The following GAK variants were observed in gnomAD, a reference collection of about 807,000 sequenced individuals.
GAK encodes the protein cyclin G associated kinase.
In GAK, 79 loss-of-function variants were observed where a neutral mutation model predicts 143.9. The observed-to-expected ratio is 0.55, with a 90% CI of 0.46 to 0.66. The LOEUF (loss-of-function observed/expected upper bound fraction) is 0.66. Ranked by LOEUF, GAK falls within the 30% of genes least tolerant of loss-of-function variation. GAK has a pLI of 0.00. For missense variants in GAK, 1,693 were observed against 1,779.7 expected (o/e 0.95, Z 0.88); for synonymous variants, 881 against 765.5 (o/e 1.15, Z -2.49).
At chr4:856,702 A>ACC (rs1560282156) in intron 24 of GAK, among the ~76,000 whole-genome samples, 1 of 140,226 alleles carries the variant, frequency 7.1e-6, no homozygotes, top group African/African-American at 2.7e-5. Flanking sequence ...AGCTGCCCAC[A>ACC]TTTGCTCACC....
intron 11 of GAK, chr4:887,654 AC>A (rs1430203249): frequency 6.6e-6 from 1 of 150,488 alleles, no homozygotes; most frequent in Non-Finnish European, 1.5e-5. Context: ...ACGTGCACTC[AC>A]AGGCACTCGC....
At chr4:911,279 G>C (rs897567602) in intron 4 of GAK, among the ~76,000 whole-genome samples, 26 of 152,126 alleles carry the variant, frequency 1.7e-4, no homozygotes, top group Admixed American at 4.6e-4. Context: ...ACCGCTCATG[G>C]AAGGCCACCA....
intron 24 of GAK, among the ~76,000 whole-genome samples, chr4:857,463 T>A (rs1019401840): frequency 3.3e-5 from 5 of 152,234 alleles, no homozygotes; most frequent in Non-Finnish European, 5.9e-5. Flanking sequence ...GGGAAGTTTT[T>A]AATTATGAAT....
At chr4:866,571 G>A (rs769606160) in intron 21 of GAK, 37 bp from the exon 22 acceptor site, 41 of 1,599,846 alleles carry the variant, frequency 2.6e-5, no homozygotes, top group Middle Eastern at 3.7e-4. Flanking sequence ...GACTCAGCCC[G>A]GCTGCCTGAA....
chr4:853,634 C>G (rs1748593466), intron 24 of GAK: 1 of 152,460 alleles, frequency 6.6e-6, no homozygotes, highest in South Asian at 2.1e-4. Context: ...GCGGCTCGCC[C>G]CCCGGGCAAT....
At chr4:894,657 T>A (rs914214153) in intron 7 of GAK, 1 of 152,226 alleles carries the variant, frequency 6.6e-6, no homozygotes, top group African/African-American at 2.4e-5. Context: ...CAGGTGACAG[T>A]GTTAAACGGA....
intron 21 of GAK, 109 bp from the exon 22 acceptor site, chr4:866,643 A>G: frequency 1.6e-6 from 2 of 1,229,384 alleles, no homozygotes; most frequent in Non-Finnish European, 2.3e-6. Context: ...TGGGCAGCCC[A>G]GACCCCACGG....
chr4:925,158 C>T (rs1724514199), intron 1 of GAK, among the ~76,000 whole-genome samples: 1 of 152,240 alleles, frequency 6.6e-6, no homozygotes, highest in Non-Finnish European at 1.5e-5. Flanking sequence ...AAACTCGCTA[C>T]TCAGAAAGGC....
chr4:887,243 T>C lies in GAK; in HGVS notation c.1205+1604A>G, dbSNP rs62297080. On this transcript the variant is annotated intron_variant, in intron 11 of 27. Coordinates refer to ENST00000314167, the MANE Select transcript of GAK (RefSeq NM_005255.4). Reference sequence around the variant, plus strand: ...CACGCGGCTCACGCGCACTCACGTGTACACATGCACGCGGCTCACGCGCAC... The same window carrying C: ...CACGCGGCTCACGCGCACTCACGTGCACACATGCACGCGGCTCACGCGCAC... The C allele has an allele frequency of 1.4e-3, 123 of 86,082 alleles. 3 individuals are homozygous for C. Among genetic ancestry groups the C allele is most frequent in the African/African-American group, 5.2e-3 (102 of 19,760 alleles). 5.3% of individuals were successfully genotyped at this position (86,082 alleles called of 1,614,324 possible).
In GAK at chr4:866,541, G is replaced by A. The variant is rs1361394239; in HGVS notation, c.2873-7C>T. On this transcript the variant is annotated splice_polypyrimidine_tract_variant and splice_region_variant and intron_variant, in intron 21 of 27. Transcript: ENST00000314167. Reference sequence around the variant, plus strand: ...AGCGGGCCAAAGGGGTCAGCTGTGGGGACAGGCGGGCATGGGGAGGACTCA... The same window carrying A: ...AGCGGGCCAAAGGGGTCAGCTGTGGAGACAGGCGGGCATGGGGAGGACTCA... The A allele has an allele frequency of 1.2e-6, 2 of 1,612,364 alleles. No homozygotes were observed. Among genetic ancestry groups the A allele is most frequent in the African/African-American group, 2.7e-5 (2 of 74,918 alleles).
chr4:882,727 G>T lies in GAK; in HGVS notation c.1497C>A (p.Asp499Glu). The T allele has an allele frequency of 6.2e-7, 1 of 1,612,692 alleles. No individual in the cohort carries two copies. ...CRNMHAWLRQ[D>E]HKNVCVVHCM... ...AGTGCACGACGCAGACGTTCTTGTG[G>T]TCCTGCCGCAGCCAGGCGTGCATGT... The change falls in exon 14 of 28, where the codon GAC becomes GAA. Residue 499 changes from aspartate to glutamate, a missense_variant. Asp to Glu is a conservative substitution (Grantham distance 45). This residue lies in a region of GAK where 871 missense variants were observed against 991.0 expected (regional missense o/e 0.88). Transcript: ENST00000314167.
Position 893,733 on chromosome 4 carries a change from C to G in GAK, c.877+141G>C, listed in dbSNP as rs547163840. On this transcript the variant is annotated intron_variant, in intron 8 of 27. Coordinates refer to ENST00000314167, the MANE Select transcript of GAK (RefSeq NM_005255.4). Reference sequence around the variant, plus strand: ...AGGGGAGCTCTCTGGAAACCCCCCCCCCAGGGATGTTGTCAAAACTATGGT... The same window carrying G: ...AGGGGAGCTCTCTGGAAACCCCCCCGCCAGGGATGTTGTCAAAACTATGGT... 1.0e-3 allele frequency: 1,132 copies of G among 1,083,094 alleles called. 6 individuals are homozygous for G. The highest frequency in any genetic ancestry group is 8.6e-3 in the East Asian group (299 of 34,914). The allele number at this position is 1,083,094 out of a possible 1,614,324, so 67.1% of individuals were successfully genotyped here.
At chr4:876,935 G>A (rs1215252223) in intron 17 of GAK, among the ~76,000 whole-genome samples, 155 bp downstream of exon 17, 1 of 152,184 alleles carries the variant, frequency 6.6e-6, no homozygotes, top group African/African-American at 2.4e-5. Context: ...GCAAGCAGGG[G>A]GCGCTGTGGG....
chr4:896,825 G>T (rs1227634878), intron 6 of GAK, among the ~76,000 whole-genome samples: 6 of 152,256 alleles, frequency 3.9e-5, no homozygotes, highest in Non-Finnish European at 5.9e-5. Flanking sequence ...CGGCACCGAC[G>T]TATTGGCCTG....
intron 11 of GAK, chr4:887,373 AG>A (rs1716645925): frequency 6.7e-6 from 1 of 149,834 alleles, no homozygotes; most frequent in Admixed American, 6.6e-5. Flanking sequence ...ATGTGCACAC[AG>A]CTCAGGCACA....
chr4:901,406 C>T (rs1158567704), intron 5 of GAK, among the ~76,000 whole-genome samples: 1 of 152,132 alleles, frequency 6.6e-6, no homozygotes, highest in African/African-American at 2.4e-5. Flanking sequence ...GAGCCACGGC[C>T]TTGGATCCCC....
chr4:888,599 A>C (rs2152839508), intron 11 of GAK: 1 of 497,704 alleles, frequency 2.0e-6, no homozygotes, highest in Non-Finnish European at 3.6e-6. Context: ...AAGGGAGGGG[A>C]GGGCCCAGGC....
At chr4:882,411 T>C (rs908327523) in intron 14 of GAK, among the ~76,000 whole-genome samples, 6 of 152,040 alleles carry the variant, frequency 3.9e-5, no homozygotes, top group African/African-American at 1.4e-4. Flanking sequence ...AAGTGACTCT[T>C]AGGTGGCCAC....
intron 5 of GAK, among the ~76,000 whole-genome samples, chr4:898,944 GCT>G (rs1374287356): frequency 6.6e-6 from 1 of 152,216 alleles, no homozygotes; most frequent in Non-Finnish European, 1.5e-5. Flanking sequence ...TTCTGGCGCA[GCT>G]CTGATAACAG....
Sources: allele counts gnomAD v4.1 joint callset (sites outside exome capture counted in the v4.1 genomes callset), GRCh38; gene constraint gnomAD v4.1.1; regional missense constraint gnomAD v4.1.1; transcripts MANE v1.5; gene names NCBI Gene and HGNC (gene_info 2026-07-23, HGNC 2026-07-21).